DLG5: variants seen among roughly 807,000 people sequenced by gnomAD.
DLG5 encodes disks large homolog 5.
Under a neutral mutation model 189.8 loss-of-function variants are expected in DLG5, and 48 were observed. The ratio of observed to expected loss-of-function variants is 0.25; its 90% confidence interval spans 0.20 to 0.32. DLG5 has a LOEUF of 0.32. Among genes scored for constraint, DLG5 ranks in the 10% least tolerant of loss-of-function variants. The pLI is 1.00. For synonymous variants in DLG5, 1,016 were observed against 1,054.1 expected, an observed-to-expected ratio of 0.96 and a Z score of 0.70; for missense variants, 2,160 against 2,544.7, an observed-to-expected ratio of 0.85 and a Z score of 3.25.
At chr10:77,883,383 G>A (rs976182174) in intron 1 of DLG5, among the ~76,000 whole-genome samples, 6 of 152,128 alleles carry the variant, frequency 3.9e-5, no homozygotes, top group East Asian at 1.9e-4. Context: ...GAATGAGATC[G>A]TTGAAATCCA....
chr10:77,880,052 C>T (rs926760747), intron 1 of DLG5, among the ~76,000 whole-genome samples: 4 of 152,046 alleles, frequency 2.6e-5, no homozygotes, highest in African/African-American at 7.2e-5. Context: ...TGGAGAGGTC[C>T]AAGGAATGAA....
chr10:77,831,795 T>A (rs902161003), intron 9 of DLG5, among the ~76,000 whole-genome samples: 2 of 152,234 alleles, frequency 1.3e-5, no homozygotes, highest in African/African-American at 4.8e-5. Flanking sequence ...GCCAACTATA[T>A]CACAAATTGA....
intron 1 of DLG5, among the ~76,000 whole-genome samples, chr10:77,893,543 G>A (rs567487252): frequency 7.2e-5 from 11 of 152,320 alleles, no homozygotes; most frequent in East Asian, 3.9e-4. Context: ...GTCCCTGCCC[G>A]CCCCAGACAG....
At chr10:77,797,568 C>T (rs1297033208) in intron 27 of DLG5, among the ~76,000 whole-genome samples, 3 of 152,128 alleles carry the variant, frequency 2.0e-5, no homozygotes, top group Non-Finnish European at 4.4e-5. Context: ...TGGGCAGGCC[C>T]AGGAGGGAAG....
At chr10:77,795,216 G>A (rs980671951) in intron 29 of DLG5, among the ~76,000 whole-genome samples, 3 of 152,200 alleles carry the variant, frequency 2.0e-5, no homozygotes, top group Non-Finnish European at 2.9e-5. Context: ...TTCCTTTCCC[G>A]CCTTTGCCCA....
intron 1 of DLG5, among the ~76,000 whole-genome samples, chr10:77,896,611 G>C (rs139024433): frequency 5.9e-5 from 9 of 152,162 alleles, no homozygotes; most frequent in South Asian, 4.2e-4. Context: ...GAGGCCAAGG[G>C]GGGGTGGATC....
intron 3 of DLG5, among the ~76,000 whole-genome samples, chr10:77,854,859 T>C (rs553648199): frequency 1.3e-5 from 2 of 151,898 alleles, no homozygotes; most frequent in Non-Finnish European, 2.9e-5. Flanking sequence ...TGTGGTGGCA[T>C]GTGCCTGTAG....
At position 77,874,839 on chromosome 10, in the gene DLG5, C is replaced by T. The variant is rs149774173; in HGVS notation, c.305-5642G>A. 2.4e-3 allele frequency among the ~76,000 whole-genome samples: 360 copies of T among 152,294 alleles called. 2 individuals are homozygous for T. The highest frequency in any genetic ancestry group is 0.023 in the South Asian group (113 of 4,822). On this transcript the variant is annotated intron_variant, in intron 1 of 31. Coordinates refer to ENST00000372391, the MANE Select transcript of DLG5 (RefSeq NM_004747.4). Reference sequence around the variant, plus strand: ...CAGTCCAGACCTGCAGAGGGCCCTTCCAACTCTGCTGTTCAATTCCTCAAT... The same window carrying T: ...CAGTCCAGACCTGCAGAGGGCCCTTTCAACTCTGCTGTTCAATTCCTCAAT...
At chr10:77,824,707 T>A (rs1395879572) in intron 13 of DLG5, 1 of 485,786 alleles carries the variant, frequency 2.1e-6, no homozygotes, top group Non-Finnish European at 3.6e-6. Context: ...GGGAGGAGCA[T>A]GTCCTTCTGG....
rs184684641 is a variant in DLG5, at chr10:77,861,876, G to A, written c.374-4984C>T. Among the ~76,000 whole-genome samples, 40 of 152,280 alleles carry A rather than the reference G, an allele frequency of 2.6e-4. No homozygotes were observed. The East Asian group carries it at 6.8e-3, about 26-fold the overall frequency. ...TGAGCATACAGGACACATACAGAAAGTAAGGTCAACCAGACCCAAGATCCA... is the reference window on the plus strand; with the variant it reads ...TGAGCATACAGGACACATACAGAAAATAAGGTCAACCAGACCCAAGATCCA... On this transcript the variant is annotated intron_variant, in intron 2 of 31. Coordinates refer to ENST00000372391, the MANE Select transcript of DLG5 (RefSeq NM_004747.4).
chr10:77,852,968 T>G (rs1171054242), intron 5 of DLG5, among the ~76,000 whole-genome samples: 1 of 152,138 alleles, frequency 6.6e-6, no homozygotes, highest in Non-Finnish European at 1.5e-5. Context: ...TACAAGCACA[T>G]CCAGCAATTG....
At chr10:77,847,229 C>T (rs1843739019) in intron 5 of DLG5, among the ~76,000 whole-genome samples, 1 of 151,934 alleles carries the variant, frequency 6.6e-6, no homozygotes, top group Admixed American at 6.6e-5. Flanking sequence ...GTCAGAAGAC[C>T]GAGAGAGAGA....
Position 77,821,816 on chromosome 10 carries a change from G to A in DLG5, c.2668C>T (p.Arg890Cys), listed in dbSNP as rs200334946. 73 of 1,613,186 alleles carry A rather than the reference G, an allele frequency of 4.5e-5. No individual in the cohort carries two copies. The highest frequency in any genetic ancestry group is 6.7e-5 in the Admixed American group (4 of 59,798). ...CPQACPSASE[R>C]SLSSFRSDAS... ...TCTGAGCGGAAGGAGCTCAGGCTAC[G>A]CTCAGAGGCACTGGGACAGGCCTGG... is the stretch of plus-strand genomic sequence containing the variant. Residue 890 changes from arginine (R) to cysteine (C), a missense_variant, in exon 15 of 32, where the codon CGT becomes TGT. Arg to Cys is a radical substitution (Grantham distance 180, BLOSUM62 -3). This residue lies in a region of DLG5 where 754 missense variants were observed against 746.5 expected (regional missense o/e 1.01). Transcript: ENST00000372391.
At chr10:77,905,860 T>C (rs1846057846) in intron 1 of DLG5, among the ~76,000 whole-genome samples, 1 of 152,246 alleles carries the variant, frequency 6.6e-6, no homozygotes, top group South Asian at 2.1e-4. Context: ...TTCATATTCT[T>C]GCAAGATGGG....
intron 10 of DLG5, 70 bp downstream of exon 10, chr10:77,830,671 C>G (rs1842853758): frequency 6.3e-7 from 1 of 1,581,242 alleles, no homozygotes. Context: ...CTGGGAGATA[C>G]TGCAAGCGGG....
At chr10:77,885,453 C>A (rs555822257) in intron 1 of DLG5, among the ~76,000 whole-genome samples, 37 of 152,186 alleles carry the variant, frequency 2.4e-4, no homozygotes, top group African/African-American at 8.4e-4. Context: ...TCTTGAGTAA[C>A]GAGGGAAAAT....
chr10:77,911,871 G>C (rs1846231263), intron 1 of DLG5, among the ~76,000 whole-genome samples: 1 of 151,648 alleles, frequency 6.6e-6, no homozygotes, highest in African/African-American at 2.4e-5. Context: ...CAATAGAGGG[G>C]TAAGGCAAAC....
intron 1 of DLG5, among the ~76,000 whole-genome samples, chr10:77,877,957 T>C (rs542275524): frequency 6.6e-6 from 1 of 152,256 alleles, no homozygotes; most frequent in South Asian, 2.1e-4. Context: ...AAGCCTCCAT[T>C]ATGCTCCAGC....
chr10:77,916,790 C>T (rs1220433084), intron 1 of DLG5, among the ~76,000 whole-genome samples: 1 of 151,662 alleles, frequency 6.6e-6, no homozygotes, highest in East Asian at 1.9e-4. Context: ...AAAGCAGGGA[C>T]TCGAAGAGAT....
Sources: gnomAD v4.1 joint callset for allele counts (sites outside exome capture counted in the v4.1 genomes callset) on GRCh38, gnomAD v4.1.1 for gene constraint, gnomAD v4.1.1 regional missense constraint, MANE v1.5 for transcripts, NCBI Gene and HGNC (gene_info 2026-07-23, HGNC 2026-07-21) for gene names.